DNAJB1: variants seen among roughly 807,000 people sequenced by gnomAD.
DNAJB1 encodes dnaJ homolog subfamily B member 1.
A neutral mutation model predicts 24.0 loss-of-function variants in DNAJB1; 14 were observed. The observed-to-expected ratio is 0.58, with a 90% confidence interval of 0.39 to 0.91. The LOEUF (loss-of-function observed/expected upper bound fraction) is 0.91, where lower values mean the gene tolerates loss of function less well. Among genes scored for constraint, DNAJB1 ranks in the 40% least tolerant of loss-of-function variants. The pLI is 0.00. For missense variants in DNAJB1, 517 were observed against 458.1 expected (o/e 1.13, Z -1.17); for synonymous variants, 262 against 174.4 (o/e 1.50, Z -3.96).
intron 1 of DNAJB1, among the ~76,000 whole-genome samples, chr19:14,535,776 A>AG (rs1437884419): frequency 6.9e-6 from 1 of 145,528 alleles, no homozygotes; most frequent in African/African-American, 2.5e-5. Flanking sequence ...AAAAAAAAAA[A>AG]AGGGAAAGTG....
At chr19:14,550,420 A>T (rs2073458249), upstream of DNAJB1, among the ~76,000 whole-genome samples, 1 of 152,044 alleles carries the variant, frequency 6.6e-6, no homozygotes, top group African/African-American at 2.4e-5. Context: ...GTTGGCCCGG[A>T]TGAGCTCCTC....
Position 14,516,927 on chromosome 19 carries a change from G to A in DNAJB1, c.331C>T (p.Pro111Ser), listed in dbSNP as rs760929049. 4 of 1,613,968 alleles carry A rather than the reference G, an allele frequency of 2.5e-6. No homozygotes were observed. Among genetic ancestry groups the A allele is most frequent in the South Asian group, 1.1e-5 (1 of 91,076 alleles). The change falls in exon 2 of 3, where the codon CCC (proline) becomes TCC (serine). Residue 111 changes from proline to serine, a missense_variant. Pro to Ser is a moderately conservative substitution (Grantham distance 74). Transcript: ENST00000254322. ...MFAEFFGGRN[P>S]FDTFFGQRNG... The stretch of plus-strand genomic sequence containing the variant: ...CGCTGCCCAAAAAAGGTGTCAAAGG[G>A]ATTTCTGCCACCGAAGAACTCAGCA...
At chr19:14,559,038 C>A (rs376919685) in intron 1 of DNAJB1, among the ~76,000 whole-genome samples, 1 of 152,066 alleles carries the variant, frequency 6.6e-6, no homozygotes, top group South Asian at 2.1e-4. Context: ...GGGTGTGGGG[C>A]GCGGAGCCCT....
chr19:14,548,871 A>G (rs1462921643), intron 1 of DNAJB1, among the ~76,000 whole-genome samples: 1 of 152,052 alleles, frequency 6.6e-6, no homozygotes, highest in African/African-American at 2.4e-5. Context: ...CACCGCATCC[A>G]ACCATCTCAG....
chr19:14,535,334 C>T (rs1252589595), intron 1 of DNAJB1, among the ~76,000 whole-genome samples: 7 of 150,200 alleles, frequency 4.7e-5, no homozygotes, highest in African/African-American at 7.4e-5. Context: ...AGTGAAACCC[C>T]GTCTCTACTA....
Position 14,518,393 on chromosome 19 carries a change from G to C in DNAJB1, c.-44C>G, listed in dbSNP as rs757050359. ...GCCGACCCGCTGTCGCCGTCCCCCG[G>C]CTCCGCCGCCGACCAGTCCCGGACT... is the stretch of plus-strand genomic sequence containing the variant. On this transcript the variant is annotated 5_prime_UTR_variant, in exon 1 of 3. Coordinates refer to ENST00000254322, the MANE Select transcript of DNAJB1 (RefSeq NM_006145.3). The C allele has an allele frequency of 6.6e-7, 1 of 1,513,778 alleles. No homozygotes were observed. The highest frequency in any genetic ancestry group is 8.8e-7 in the Non-Finnish European group (1 of 1,140,662). 93.8% of individuals were successfully genotyped at this position (1,513,778 alleles called of 1,614,324 possible).
chr19:14,517,101 G>A, intron 1 of DNAJB1, 55 bp from the exon 2 acceptor site: 1 of 1,536,950 alleles, frequency 6.5e-7, no homozygotes, highest in Admixed American at 1.9e-5. Context: ...TCTCTCTCGA[G>A]CTTCCCTTAC....
At chr19:14,547,362 TTTATTTTA>T (rs2073342842) in intron 1 of DNAJB1, among the ~76,000 whole-genome samples, 1 of 135,070 alleles carries the variant, frequency 7.4e-6, no homozygotes, top group Non-Finnish European at 1.7e-5. Flanking sequence ...TTTATTTTAT[TTTATTTTA>T]TGTTTTTTGA....
upstream of DNAJB1, among the ~76,000 whole-genome samples, chr19:14,522,683 GACACACACACACAC>G (rs56121204): frequency 2.6e-3 from 310 of 117,924 alleles, 5 homozygotes; most frequent in South Asian, 0.031. Context: ...CACACACACA[GACACACACACACAC>G]ACACACACAC....
chr19:14,523,042 C>T (rs1298289411), upstream of DNAJB1, among the ~76,000 whole-genome samples: 3 of 105,582 alleles, frequency 2.8e-5, no homozygotes, highest in Non-Finnish European at 5.7e-5. Flanking sequence ...GGTGTCTCTA[C>T]TAAAAACACA....
At chr19:14,535,756 CAAAA>C (rs1161257175) in intron 1 of DNAJB1, among the ~76,000 whole-genome samples, 41 of 51,942 alleles carry the variant, frequency 7.9e-4, no homozygotes, top group African/African-American at 3.2e-3. Context: ...GACTCTGTCT[CAAAA>C]AAAAAAAAAA....
intron 1 of DNAJB1, among the ~76,000 whole-genome samples, chr19:14,543,370 A>G (rs1164421402): frequency 1.6e-5 from 2 of 127,276 alleles, no homozygotes; most frequent in African/African-American, 6.0e-5. Context: ...TATTGCCTGT[A>G]TACTACTTGT....
rs558334882 is a variant in DNAJB1 at position 14,556,440 on chromosome 19, T to A, written c.-2165-2122A>T. Among the ~76,000 whole-genome samples the A allele has an allele frequency of 7.3e-4, 47 of 64,822 alleles. No homozygotes were observed. The South Asian group carries it at 0.019, about 27-fold the overall frequency. 42.5% of individuals were successfully genotyped at this position (64,822 alleles called of 152,430 possible). A position where few individuals can be genotyped will look rare whatever the true frequency, so the allele number is the denominator to read the frequency against. On this transcript the variant is annotated intron_variant, in intron 1 of 5. Coordinates refer to the DNAJB1 transcript ENST00000679223. Reference sequence around the variant, plus strand: ...AAAACAAAAACAAAAAAAACCACATTGTGACCTCCCCCACAACCTTCTAGT... The same window carrying A: ...AAAACAAAAACAAAAAAAACCACATAGTGACCTCCCCCACAACCTTCTAGT...
At chr19:14,529,599 G>C (rs756014191), upstream of DNAJB1, 1 of 1,587,062 alleles carries the variant, frequency 6.3e-7, no homozygotes, top group East Asian at 2.2e-5. Flanking sequence ...GCCGCGTTTA[G>C]TCTATCGCTG....
chr19:14,517,138 G>C (rs778269400), intron 1 of DNAJB1, 92 bp from the exon 2 acceptor site: 159 of 1,374,858 alleles, frequency 1.2e-4, no homozygotes, highest in Non-Finnish European at 1.4e-4. Context: ...GAAGCCATGG[G>C]GGAGGAACTT....
upstream of DNAJB1, among the ~76,000 whole-genome samples, chr19:14,533,257 C>T (rs1041198891): frequency 2.0e-5 from 3 of 151,832 alleles, no homozygotes; most frequent in East Asian, 5.8e-4. Context: ...TCCGTCTCTA[C>T]AAAAAATAAA....
upstream of DNAJB1, among the ~76,000 whole-genome samples, chr19:14,518,855 C>G (rs762971145): frequency 3.3e-5 from 5 of 152,268 alleles, no homozygotes; most frequent in Non-Finnish European, 5.9e-5. Context: ...CTGCGGTGGG[C>G]TCCCGCCCGG....
At chr19:14,552,172 C>CTTTTTTTT, upstream of DNAJB1, among the ~76,000 whole-genome samples, 1 of 133,488 alleles carries the variant, frequency 7.5e-6, no homozygotes, top group Non-Finnish European at 1.6e-5. Flanking sequence ...TTTCTTTTTT[C>CTTTTTTTT]TTTTTTTTTT....
chr19:14,517,252 G>A (rs1047122563), intron 1 of DNAJB1: 12 of 577,096 alleles, frequency 2.1e-5, no homozygotes, highest in African/African-American at 1.7e-4. Flanking sequence ...TAGCCTGACA[G>A]TGGAAAAGGA....
Sources: allele counts gnomAD v4.1 joint callset (sites outside exome capture counted in the v4.1 genomes callset), GRCh38; gene constraint gnomAD v4.1.1; transcripts MANE v1.5; gene names NCBI Gene and HGNC (gene_info 2026-07-23, HGNC 2026-07-21).